The following CBL variants were observed in gnomAD, a reference collection of about 807,000 sequenced individuals.
CBL encodes Cbl proto-oncogene.
A neutral mutation model predicts 96.9 loss-of-function variants in CBL; 45 were observed. The observed-to-expected ratio is 0.46, with a 90% CI of 0.37 to 0.60. The LOEUF is 0.60. CBL is among the 20% of genes least tolerant of loss of function. CBL has a pLI of 0.00. For missense variants in CBL, 1,024 were observed against 1,143.5 expected, an observed-to-expected ratio of 0.90 and a Z score of 1.51; for synonymous variants, 420 against 426.8, an observed-to-expected ratio of 0.98 and a Z score of 0.20.
At chr11:119,281,745 C>A (rs1326594552) in intron 9 of CBL, among the ~76,000 whole-genome samples, 1 of 152,026 alleles carries the variant, frequency 6.6e-6, no homozygotes, top group Non-Finnish European at 1.5e-5. Flanking sequence ...GATCCGCCTG[C>A]CTCGGCCTCC....
At chr11:119,294,719 A>G (rs1372127837) in intron 12 of CBL, among the ~76,000 whole-genome samples, 1 of 151,888 alleles carries the variant, frequency 6.6e-6, no homozygotes, top group African/African-American at 2.4e-5. Flanking sequence ...TGAACCTGGA[A>G]GGCAGAGGTT....
Position 119,206,716 on chromosome 11 carries a change from G to T in CBL, c.195+104G>T, listed in dbSNP as rs908079187. ...GGAAGCGGGGGAGGGGACGGGTCTG[G>T]TGAAGCCGGGGAGGCGCGGAGCCGG... is the stretch of plus-strand genomic sequence containing the variant. On this transcript the variant is annotated intron_variant, in intron 1 of 15. Coordinates refer to ENST00000264033, the MANE Select transcript of CBL (RefSeq NM_005188.4). 11 of 1,258,026 alleles carry T rather than the reference G, an allele frequency of 8.7e-6. No homozygotes were observed. In the Admixed American group the frequency reaches 2.0e-4, roughly 23 times the overall value. 77.9% of individuals were successfully genotyped at this position (1,258,026 alleles called of 1,614,324 possible). A position where few individuals can be genotyped will look rare whatever the true frequency, so the allele number is the denominator to read the frequency against.
At chr11:119,263,423 T>C (rs1949769906) in intron 2 of CBL, among the ~76,000 whole-genome samples, 1 of 152,150 alleles carries the variant, frequency 6.6e-6, no homozygotes, top group Non-Finnish European at 1.5e-5. Flanking sequence ...TCCCATTTAC[T>C]TGGTGAGTTA....
chr11:119,237,148 C>T (rs943879296), intron 2 of CBL, among the ~76,000 whole-genome samples: 10 of 152,126 alleles, frequency 6.6e-5, no homozygotes, highest in Admixed American at 2.6e-4. Flanking sequence ...ATAATATACA[C>T]AGGGTTCAGT....
rs754540533 is a variant in CBL, at chr11:119,285,171, T to C, written c.1564-18T>C. ...ACTAGTGGGTTTTTACTGATTTGCT[T>C]TCACCCTGCTTCCACAGGCTGCTTC... On this transcript the variant is annotated intron_variant, in intron 10 of 15. Transcript: ENST00000264033. 8.1e-6 allele frequency: 13 copies of C among 1,614,036 alleles called. No homozygotes were observed. The highest frequency in any genetic ancestry group is 1.3e-5 in the African/African-American group (1 of 74,890).
In CBL at chr11:119,300,431, G is replaced by A; in HGVS notation, c.*650G>A. 1 of 405,118 alleles carries A rather than the reference G, an allele frequency of 2.5e-6. No individual in the cohort carries two copies. The highest frequency in any genetic ancestry group is 4.4e-6 in the Non-Finnish European group (1 of 229,482). 25.1% of individuals were successfully genotyped at this position (405,118 alleles called of 1,614,324 possible). The stretch of plus-strand genomic sequence containing the variant: ...CCTTCCTCATCCTTCTTGGTGTTCT[G>A]TCATGGGCCATGGGCTTGCTATGGC... On this transcript the variant is annotated 3_prime_UTR_variant, in exon 16 of 16. Coordinates refer to ENST00000264033, the MANE Select transcript of CBL (RefSeq NM_005188.4).
intron 1 of CBL, among the ~76,000 whole-genome samples, chr11:119,211,097 C>T (rs745727942): frequency 2.0e-5 from 3 of 152,066 alleles, no homozygotes; most frequent in East Asian, 3.9e-4. Context: ...GTAGGCTGGG[C>T]GCGGTGGCTC....
rs7117934 is a variant in CBL, at chr11:119,229,533, T to C, written c.196-2915T>C. On this transcript the variant is annotated intron_variant, in intron 1 of 15. Transcript: ENST00000264033. ...AGGCAGTTTAGGCAGGAGGGTTGCTTGAATCCAGGAGTTCGAGGTTGTGGT... is the reference window on the plus strand; with the variant it reads ...AGGCAGTTTAGGCAGGAGGGTTGCTCGAATCCAGGAGTTCGAGGTTGTGGT... Among the ~76,000 whole-genome samples the C allele has an allele frequency of 9.1e-3, 1,378 of 152,224 alleles. 25 individuals carry two copies. The highest frequency in any genetic ancestry group is 0.031 in the African/African-American group (1,295 of 41,514).
chr11:119,283,596 C>T (rs181052415), intron 9 of CBL, among the ~76,000 whole-genome samples: 1 of 134,732 alleles, frequency 7.4e-6, no homozygotes, highest in Admixed American at 7.7e-5. Context: ...CTCAAATTGA[C>T]AGAAAATATT....
intron 1 of CBL, among the ~76,000 whole-genome samples, chr11:119,219,002 G>A (rs1592370730): frequency 3.3e-5 from 5 of 152,142 alleles, no homozygotes; most frequent in Admixed American, 2.0e-4. Flanking sequence ...TGTATCACTT[G>A]TGTCCAGGAG....
chr11:119,246,216 G>A (rs1236544604), intron 2 of CBL, among the ~76,000 whole-genome samples: 5 of 151,718 alleles, frequency 3.3e-5, no homozygotes, highest in Non-Finnish European at 5.9e-5. Flanking sequence ...CTCGTGATCC[G>A]CCTGCCTCGG....
intron 12 of CBL, among the ~76,000 whole-genome samples, chr11:119,294,071 A>G (rs1318922909): frequency 6.6e-6 from 1 of 152,194 alleles, no homozygotes; most frequent in Non-Finnish European, 1.5e-5. Context: ...TATTGCCAAC[A>G]TGCTTTGTGA....
chr11:119,206,676 G>T (rs1035751558), intron 1 of CBL, 64 bp downstream of exon 1: 3 of 1,305,420 alleles, frequency 2.3e-6, no homozygotes, highest in Non-Finnish European at 1.0e-6. Context: ...GCGGGGAGGG[G>T]AACGAGCGGA....
intron 2 of CBL, among the ~76,000 whole-genome samples, chr11:119,234,029 G>A (rs907158558): frequency 1.3e-5 from 2 of 151,856 alleles, no homozygotes; most frequent in East Asian, 1.9e-4. Flanking sequence ...TGTTTGAGAC[G>A]GAGTCTTGCT....
intron 1 of CBL, among the ~76,000 whole-genome samples, chr11:119,226,284 G>GTC (rs1949457937): frequency 6.6e-6 from 1 of 152,166 alleles, no homozygotes; most frequent in African/African-American, 2.4e-5. Flanking sequence ...TCTTTAGTAG[G>GTC]TAATTCTTGC....
At chr11:119,255,613 G>C (rs1360326054) in intron 2 of CBL, among the ~76,000 whole-genome samples, 1 of 152,012 alleles carries the variant, frequency 6.6e-6, no homozygotes, top group Non-Finnish European at 1.5e-5. Context: ...ATATTGGTAA[G>C]TCAAGCTAGT....
chr11:119,223,735 T>A (rs989603460), intron 1 of CBL, among the ~76,000 whole-genome samples: 4 of 152,152 alleles, frequency 2.6e-5, no homozygotes, highest in Non-Finnish European at 5.9e-5. Flanking sequence ...CAAGTGATTC[T>A]CCTGTCTCAG....
chr11:119,219,103 C>T (rs1021839882), intron 1 of CBL, among the ~76,000 whole-genome samples: 6 of 151,972 alleles, frequency 3.9e-5, no homozygotes, highest in South Asian at 4.2e-4. Flanking sequence ...TAGGGCCGGG[C>T]GTGGTGGCTT....
At position 119,206,383 on chromosome 11, in the gene CBL, G is replaced by A; in HGVS notation, c.-35G>A. 1.4e-6 allele frequency: 2 copies of A among 1,463,944 alleles called. No homozygotes were observed. Among genetic ancestry groups the A allele is most frequent in the Non-Finnish European group, 1.8e-6 (2 of 1,107,024 alleles). The allele number at this position is 1,463,944 out of a possible 1,614,324, so 90.7% of individuals were successfully genotyped here. On this transcript the variant is annotated 5_prime_UTR_variant, in exon 1 of 16. Transcript: ENST00000264033. ...CCCTCGCTCGCAGTCGAGCCGAGCC[G>A]GCGGACCCGCCTGGGCTCCGACCCT...
Sources: gnomAD v4.1 joint callset for allele counts (sites outside exome capture counted in the v4.1 genomes callset) on GRCh38, gnomAD v4.1.1 for gene constraint, MANE v1.5 for transcripts, NCBI Gene and HGNC (gene_info 2026-07-23, HGNC 2026-07-21) for gene names.